The following C3orf52 variants were observed in gnomAD, a reference collection of about 807,000 sequenced individuals.
The protein encoded by C3orf52 is TPA-induced transmembrane protein.
C3orf52 carries 22 observed loss-of-function variants against 24.8 expected under a neutral mutation model. The observed-to-expected ratio is 0.89, with a 90% CI of 0.63 to 1.27. The LOEUF is 1.27. C3orf52 is among the 50% of genes most tolerant of loss of function. C3orf52 has a pLI of 0.00. For synonymous variants in C3orf52, 93 were observed against 100.2 expected (o/e 0.93, Z 0.43); for missense variants, 265 against 260.7 (o/e 1.02, Z -0.11).
At chr3:112,128,263 A>T (rs1458735178) in exon 5 of C3orf52, 1 of 695,694 alleles carries the variant, frequency 1.4e-6, no homozygotes, top group Non-Finnish European at 2.6e-6. Flanking sequence ...ATTCCTAATC[A>T]GGAAAAAAGC....
chr3:112,100,750 T>C (rs986959526), intron 2 of C3orf52, among the ~76,000 whole-genome samples: 4 of 152,216 alleles, frequency 2.6e-5, no homozygotes, highest in Admixed American at 6.5e-5. Flanking sequence ...ATGATAAATG[T>C]CATATTTAAG....
At chr3:112,109,880 A>G (rs937657732) in intron 4 of C3orf52, 3 of 346,300 alleles carry the variant, frequency 8.7e-6, no homozygotes, top group African/African-American at 6.2e-5. Flanking sequence ...GTCCCAGGTA[A>G]ACCATTTCTG....
In C3orf52 at chr3:112,093,272, C is replaced by T; in HGVS notation, c.139-88C>T. 8 of 1,437,682 alleles carry T rather than the reference C, an allele frequency of 5.6e-6. 1 individual carries two copies. In the South Asian group the frequency reaches 1.1e-4, roughly 19 times the overall value. 89.1% of individuals were successfully genotyped at this position (1,437,682 alleles called of 1,614,324 possible). A position where few individuals can be genotyped will look rare whatever the true frequency, so the allele number is the denominator to read the frequency against. On this transcript the variant is annotated intron_variant, in intron 1 of 5. Coordinates refer to ENST00000264848, the MANE Select transcript of C3orf52 (RefSeq NM_024616.3). The stretch of plus-strand genomic sequence containing the variant: ...CCTAAGGTCAGGGTCTTGCTGCCTT[C>T]ATTTCTGTGTCTCTGGCACATCCTA...
At chr3:112,108,956 AG>A (rs2074052888) in intron 3 of C3orf52, among the ~76,000 whole-genome samples, 1 of 152,216 alleles carries the variant, frequency 6.6e-6, no homozygotes, top group African/African-American at 2.4e-5. Flanking sequence ...GCAAATATGA[AG>A]ACATGAAAGC....
chr3:112,119,846 T>G (rs1045785027), downstream of C3orf52, among the ~76,000 whole-genome samples: 1 of 152,264 alleles, frequency 6.6e-6, no homozygotes, highest in African/African-American at 2.4e-5. Context: ...ATCTCACAGT[T>G]GGGAAATCAA....
In C3orf52 at chr3:112,113,141, C is replaced by T. The variant is rs747580011; in HGVS notation, c.645C>T (p.Leu215=). ...SLGLDPTSLL[L]YE ...GGCTTGATCCAACATCCCTCTTGCT[C>T]TATGGTAAGTAGAGCAAGTAAAGAA... Residue 215 remains leucine, a synonymous_variant, in exon 5 of 6, where the codon CTC becomes CTT. Transcript: ENST00000264848. The T allele has an allele frequency of 1.9e-6, 3 of 1,602,292 alleles. No homozygotes were observed. Among genetic ancestry groups the T allele is most frequent in the Non-Finnish European group, 2.6e-6 (3 of 1,174,654 alleles).
At chr3:112,118,472 A>T (rs1322025283), downstream of C3orf52, among the ~76,000 whole-genome samples, 4 of 152,188 alleles carry the variant, frequency 2.6e-5, no homozygotes, top group Non-Finnish European at 4.4e-5. Flanking sequence ...ACTTGAAGGA[A>T]CAGCCTGTTC....
chr3:112,123,695 T>C, intron 4 of C3orf52: 1 of 1,614,184 alleles, frequency 6.2e-7, no homozygotes, highest in South Asian at 1.1e-5. Context: ...CAGAGTTCCC[T>C]GATGGCCTTG....
At chr3:112,125,267 A>G in intron 4 of C3orf52, 1 of 1,547,580 alleles carries the variant, frequency 6.5e-7, no homozygotes, top group Non-Finnish European at 8.9e-7. Flanking sequence ...GGAGAAAGAA[A>G]ATACACTCAA....
chr3:112,130,956 A>G (rs950510946), downstream of C3orf52: 31 of 168,612 alleles, frequency 1.8e-4, no homozygotes, highest in Non-Finnish European at 6.5e-5. Context: ...GAGGCCCAGA[A>G]CAAGGGACAG....
At chr3:112,092,813 A>G (rs1559969829) in intron 1 of C3orf52, among the ~76,000 whole-genome samples, 1 of 152,154 alleles carries the variant, frequency 6.6e-6, no homozygotes. Context: ...CCACAGCAGT[A>G]GCCTTGTAGC....
At chr3:112,093,245 G>T (rs2073895352) in intron 1 of C3orf52, 115 bp from the exon 2 acceptor site, 1 of 1,020,492 alleles carries the variant, frequency 9.8e-7, no homozygotes, top group African/African-American at 1.6e-5. Flanking sequence ...GTAGAGTGTT[G>T]CCCTAAGGTC....
At chr3:112,112,134 C>T (rs1275047180) in intron 4 of C3orf52, 1 of 152,190 alleles carries the variant, frequency 6.6e-6, no homozygotes, top group Non-Finnish European at 1.5e-5. Flanking sequence ...TAATCTGGCC[C>T]ATCTTAAACC....
Position 112,116,709 on chromosome 3 carries a change from T to G in C3orf52, c.*63T>G. 6.4e-7 allele frequency: 1 copy of G among 1,572,262 alleles called. No homozygotes were observed. Among genetic ancestry groups the G allele is most frequent in the African/African-American group, 1.3e-5 (1 of 74,218 alleles). On this transcript the variant is annotated 3_prime_UTR_variant, in exon 6 of 6. Transcript: ENST00000264848. ...TACCAAGTCCTGGAGATGAAGGGAA[T>G]TCACTCTGTTTTGCAGAAAAGATTC...
chr3:112,101,896 T>G (rs340152), intron 2 of C3orf52, among the ~76,000 whole-genome samples: 14,017 of 152,228 alleles, frequency 0.092, 1,182 homozygotes, highest in African/African-American at 0.23. Context: ...ATTAGCACAG[T>G]AGTGCTAGCT....
At position 112,104,696 on chromosome 3, in the gene C3orf52, T is replaced by C. The variant is rs2074007908; in HGVS notation, c.396+1731T>C. On this transcript the variant is annotated intron_variant, in intron 3 of 5. Transcript: ENST00000264848. ...ACCAGGTGGTATTTGGTTACATGAA[T>C]AAGTTCTTTGGTGGTGATTTCTGAG... Among the ~76,000 whole-genome samples, 4 of 152,320 alleles carry C rather than the reference T, an allele frequency of 2.6e-5. No homozygotes were observed. The South Asian group carries it at 8.3e-4, about 32-fold the overall frequency.
chr3:112,115,568 G>A (rs919548257), intron 5 of C3orf52, among the ~76,000 whole-genome samples: 1 of 152,092 alleles, frequency 6.6e-6, no homozygotes, highest in Non-Finnish European at 1.5e-5. Flanking sequence ...GAAGACAGCT[G>A]TGTACCTTCT....
Position 112,113,113 on chromosome 3 carries a change from TG to T in C3orf52, c.621del (p.Asp209IlefsTer127). On this transcript the variant is annotated frameshift_variant, in exon 5 of 6. Coordinates refer to ENST00000264848, the MANE Select transcript of C3orf52 (RefSeq NM_024616.3). LOFTEE classifies it high-confidence loss of function. ...CAGAATATACCTGGTTGTGAGAGTC[TG>T]GGGCTTGATCCAACATCCCTCTTGC... ...RDQNIPGCES[L>X]GLDPTSLLLY... 1 of 1,610,412 alleles carries T rather than the reference TG, an allele frequency of 6.2e-7. No individual in the cohort carries two copies. The highest frequency in any genetic ancestry group is 8.5e-7 in the Non-Finnish European group (1 of 1,178,472).
chr3:112,126,054 A>C (rs920820897), intron 4 of C3orf52, among the ~76,000 whole-genome samples: 6 of 152,198 alleles, frequency 3.9e-5, no homozygotes, highest in Admixed American at 2.0e-4. Flanking sequence ...CCACATCTCC[A>C]TAAGCTCCTA....
Sources: allele counts gnomAD v4.1 joint callset (sites outside exome capture counted in the v4.1 genomes callset), GRCh38; gene constraint gnomAD v4.1.1; transcripts MANE v1.5; gene names NCBI Gene and HGNC (gene_info 2026-07-23, HGNC 2026-07-21).